GPALPP1: variants seen among roughly 807,000 people sequenced by gnomAD.
GPALPP1 encodes the protein GPALPP motifs containing 1.
Under a neutral mutation model 38.9 loss-of-function variants are expected in GPALPP1, and 30 were observed. The ratio of observed to expected loss-of-function variants is 0.77; its 90% CI spans 0.58 to 1.05. GPALPP1 has a LOEUF of 1.05. Ranked by LOEUF, GPALPP1 falls within the 50% of genes least tolerant of loss-of-function variation. GPALPP1 has a pLI of 0.00. For synonymous variants in GPALPP1, 120 were observed against 139.2 expected (o/e 0.86, Z 0.97); for missense variants, 384 against 408.8 (o/e 0.94, Z 0.52).
At chr13:45,015,161 T>C (rs575448164) in intron 5 of GPALPP1, 78 bp downstream of exon 5, 1 of 913,954 alleles carries the variant, frequency 1.1e-6, no homozygotes, top group African/African-American at 1.7e-5. Context: ...CTAAACTATA[T>C]AACTTTTAAT....
rs1370501447 is a variant in GPALPP1, at chr13:45,004,364, G to A, written c.148G>A (p.Asp50Asn). Reference protein sequence around the residue: ...KSSSSDSSDSDEDSSSLYEEG... With the variant: ...KSSSSDSSDSNEDSSSLYEEG... ...CAGTAGTTCAGATTCATCAGACAGC[G>A]ATGAAGACAGTAGTTCTTTGTACGA... The change falls in exon 2 of 8, where the codon GAT (aspartate) becomes AAT (asparagine). Residue 50 changes from aspartate (D) to asparagine (N), a missense_variant. Physicochemically the swap from Asp to Asn is conservative, Grantham distance 23 (BLOSUM62 1). Transcript: ENST00000379151. 5.6e-6 allele frequency: 9 copies of A among 1,607,182 alleles called. No individual in the cohort carries two copies. Among genetic ancestry groups the A allele is most frequent in the South Asian group, 5.5e-5 (5 of 90,894 alleles).
At chr13:45,024,304 G>T (rs1566084678) in intron 7 of GPALPP1, among the ~76,000 whole-genome samples, 1 of 147,322 alleles carries the variant, frequency 6.8e-6, no homozygotes, top group Non-Finnish European at 1.5e-5. Context: ...GTGTGTGTGT[G>T]TGTGTTTTGA....
intron 6 of GPALPP1, among the ~76,000 whole-genome samples, chr13:45,016,549 A>T (rs994461845): frequency 2.0e-5 from 3 of 152,152 alleles, no homozygotes; most frequent in African/African-American, 4.8e-5. Context: ...AAAATATTTC[A>T]TTGTATATTA....
intron 2 of GPALPP1, chr13:45,004,968 C>T (rs1873968805): frequency 6.7e-6 from 1 of 148,738 alleles, no homozygotes; most frequent in Non-Finnish European, 1.5e-5. Context: ...AAAATTCTTA[C>T]ATAAATGATT....
rs553674248 is a variant in GPALPP1 at position 45,011,748 on chromosome 13, T to G, written c.408+2869T>G. Among the ~76,000 whole-genome samples the G allele has an allele frequency of 5.3e-5, 8 of 152,302 alleles. No individual in the cohort carries two copies. In the East Asian group the frequency reaches 1.5e-3, roughly 29 times the overall value. ...GCAAGTATTCAACTTCAAATAGCTC[T>G]CATTATTACCATTGTTCTTATTGCC... On this transcript the variant is annotated intron_variant, in intron 4 of 7. Transcript: ENST00000379151.
chr13:45,036,218 A>G (rs984911273), exon 8 of GPALPP1: 9 of 152,206 alleles, frequency 5.9e-5, no homozygotes, highest in African/African-American at 2.2e-4. Flanking sequence ...TCACCCTTCA[A>G]ACATCTACCA....
chr13:45,002,955 A>T (rs772485890), intron 1 of GPALPP1, among the ~76,000 whole-genome samples: 3 of 152,202 alleles, frequency 2.0e-5, no homozygotes, highest in African/African-American at 7.2e-5. Flanking sequence ...CCACATATAC[A>T]GTGTCACCTT....
downstream of GPALPP1, chr13:45,032,030 A>G (rs3742218): frequency 1.3e-5 from 2 of 152,328 alleles, no homozygotes; most frequent in East Asian, 3.9e-4. Context: ...TATACTTGAA[A>G]TTATATGATT....
chr13:45,001,692 CT>C (rs552457251), intron 1 of GPALPP1: 22 of 143,836 alleles, frequency 1.5e-4, no homozygotes, highest in Admixed American at 3.5e-4. Context: ...TTTTTTCTTT[CT>C]TTTTTTTAGA....
At chr13:45,014,037 C>T (rs1245288724) in intron 4 of GPALPP1, among the ~76,000 whole-genome samples, 1 of 152,126 alleles carries the variant, frequency 6.6e-6, no homozygotes, top group African/African-American at 2.4e-5. Flanking sequence ...GTAAGTGATA[C>T]TTATTTCTAA....
chr13:45,019,217 A>G (rs189071433), intron 6 of GPALPP1, among the ~76,000 whole-genome samples: 2,623 of 150,424 alleles, frequency 0.017, 30 homozygotes, highest in Non-Finnish European at 0.027. Context: ...GCACCATCTC[A>G]GTTCAATGCA....
At chr13:45,008,968 G>T (rs1451083072) in intron 4 of GPALPP1, 89 bp downstream of exon 4, 1 of 764,952 alleles carries the variant, frequency 1.3e-6, no homozygotes, top group Admixed American at 2.0e-5. Flanking sequence ...CTTTATGCAT[G>T]CAGTTACTAC....
intron 1 of GPALPP1, among the ~76,000 whole-genome samples, chr13:45,000,755 TATAA>T (rs998456007): frequency 2.0e-5 from 3 of 152,180 alleles, no homozygotes; most frequent in Non-Finnish European, 4.4e-5. Flanking sequence ...GTCTCTAAAT[TATAA>T]ATAAATTGGG....
At chr13:45,034,624 A>C (rs1019563471), downstream of GPALPP1, 19 of 152,028 alleles carry the variant, frequency 1.2e-4, no homozygotes, top group African/African-American at 4.6e-4. Context: ...TTGGGTCTTC[A>C]TAGTGTCTAC....
exon 8 of GPALPP1, chr13:45,036,670 C>T (rs1402314680): frequency 6.6e-6 from 1 of 152,188 alleles, no homozygotes; most frequent in Non-Finnish European, 1.5e-5. Flanking sequence ...AAAGGCCAGG[C>T]ACAATGCCTC....
intron 7 of GPALPP1, among the ~76,000 whole-genome samples, chr13:45,026,398 G>A (rs1217664659): frequency 6.6e-6 from 1 of 152,094 alleles, no homozygotes; most frequent in Non-Finnish European, 1.5e-5. Flanking sequence ...ATTTCTGGTT[G>A]TCAGATCAGC....
chr13:44,992,928 C>T (rs936416606), intron 1 of GPALPP1, among the ~76,000 whole-genome samples: 1 of 152,182 alleles, frequency 6.6e-6, no homozygotes, highest in Non-Finnish European at 1.5e-5. Flanking sequence ...AAACCTATTC[C>T]CATTAAACAA....
intron 7 of GPALPP1, among the ~76,000 whole-genome samples, chr13:45,020,640 C>CAA (rs530239850): frequency 2.7e-5 from 3 of 109,658 alleles, no homozygotes; most frequent in Non-Finnish European, 3.9e-5. Context: ...CCTAATGTCT[C>CAA]AAAAAAAAAA....
downstream of GPALPP1, among the ~76,000 whole-genome samples, chr13:45,032,944 G>A (rs189680651): frequency 6.6e-6 from 1 of 151,494 alleles, no homozygotes; most frequent in African/African-American, 2.4e-5. Flanking sequence ...GGCTGAGGCA[G>A]AAGAATTGCT....
Sources: gnomAD v4.1 joint callset for allele counts (sites outside exome capture counted in the v4.1 genomes callset) on GRCh38, gnomAD v4.1.1 for gene constraint, MANE v1.5 for transcripts, NCBI Gene and HGNC (gene_info 2026-07-23, HGNC 2026-07-21) for gene names.